FBXL22: variants seen among roughly 807,000 people sequenced by gnomAD.
FBXL22 encodes the protein F-box and leucine rich repeat protein 22, also known as F-box and leucine-rich protein 22.
A neutral mutation model predicts 11.7 loss-of-function variants in FBXL22; 13 were observed. That is an observed-to-expected ratio of 1.11 (90% CI 0.73 to 1.77). The LOEUF (loss-of-function observed/expected upper bound fraction) is 1.77, where lower values mean the gene tolerates loss of function less well. Among genes scored for constraint, FBXL22 ranks in the 40% most tolerant of loss-of-function variants. FBXL22 has a pLI of 0.00. For missense variants in FBXL22, 406 were observed against 320.4 expected, an observed-to-expected ratio of 1.27 and a Z score of -2.04; for synonymous variants, 160 against 144.1, an observed-to-expected ratio of 1.11 and a Z score of -0.79.
At chr15:63,606,886 C>G (rs1429594692), downstream of FBXL22, among the ~76,000 whole-genome samples, 1 of 152,152 alleles carries the variant, frequency 6.6e-6, no homozygotes. Context: ...GAGTCCAGAG[C>G]AAACTGTGGC....
At chr15:63,604,351 A>T (rs1174837968), downstream of FBXL22, among the ~76,000 whole-genome samples, 9 of 152,144 alleles carry the variant, frequency 5.9e-5, no homozygotes, top group Admixed American at 5.2e-4. Flanking sequence ...GCTCTTTTGT[A>T]GTAAGGGTTA....
At chr15:63,599,062 G>A (rs1464164281) in intron 1 of FBXL22, 3 of 808,544 alleles carry the variant, frequency 3.7e-6, no homozygotes, top group Admixed American at 2.1e-5. Flanking sequence ...CGCTCAGCTC[G>A]TCCAACCATG....
Position 63,597,625 on chromosome 15 carries a change from G to A in FBXL22, c.233G>A (p.Trp78Ter). Residue 78 changes from tryptophan to a stop codon, truncating the protein, a stop_gained, in exon 1 of 2, where the codon TGG (tryptophan) becomes TAG (stop). Coordinates refer to ENST00000638704, the MANE Select transcript of FBXL22 (RefSeq NM_001367807.1). LOFTEE classifies it high-confidence loss of function. The surrounding 1 kb of genome is among the most constrained non-coding windows in gnomAD (Gnocchi z 4.3). ...GCACTCCGCAGCCTCTCCATCTGCT[G>A]GCACTCCAGCCGCGTGCAGGTGTGC... is the stretch of plus-strand genomic sequence containing the variant. ...GPALRSLSIC[W>*]HSSRVQVCSI... is the part of the protein sequence containing the mutation. 6.2e-7 allele frequency: 1 copy of A among 1,613,666 alleles called. No homozygotes were observed. Among genetic ancestry groups the A allele is most frequent in the Non-Finnish European group, 8.5e-7 (1 of 1,180,018 alleles).
At chr15:63,599,694 G>A (rs1004603088) in intron 1 of FBXL22, 1 of 987,170 alleles carries the variant, frequency 1.0e-6, no homozygotes, top group Non-Finnish European at 1.2e-6. Flanking sequence ...ACGGAGCTGC[G>A]GGGGAGGCTG....
Position 63,600,838 on chromosome 15 carries a change from T to C in FBXL22, c.495T>C (p.Ala165=), listed in dbSNP as rs1595796454. Residue 165 remains alanine, a synonymous_variant, in exon 2 of 2, where the codon GCT becomes GCC. Transcript: ENST00000638704. ...NCARVTNRTL[A]AVAADGRALQ... is the part of the protein sequence containing the mutation. ...CGCGCGTCACCAACCGCACGTTGGC[T>C]GCCGTGGCGGCGGACGGGCGCGCGC... 2 of 1,230,408 alleles carry C rather than the reference T, an allele frequency of 1.6e-6. No homozygotes were observed. The highest frequency in any genetic ancestry group is 2.0e-6 in the Non-Finnish European group (2 of 987,092). The allele number at this position is 1,230,408 out of a possible 1,614,324, so 76.2% of individuals were successfully genotyped here. A position where few individuals can be genotyped will look rare whatever the true frequency, so the allele number is the denominator to read the frequency against.
rs886455711 is a variant in FBXL22, at chr15:63,597,688, G to A, written c.296G>A (p.Ser99Asn). The A allele has an allele frequency of 5.0e-6, 8 of 1,602,240 alleles. No individual in the cohort carries two copies. Among genetic ancestry groups the A allele is most frequent in the Non-Finnish European group, 6.8e-6 (8 of 1,171,706 alleles). The part of the protein sequence containing the change: ...EDWLKSAFQR[S>N]ICSRHESLVN... ...TGGCTCAAGAGTGCCTTCCAGAGAA[G>A]CATCTGCAGCCGGCACGAGAGCCTG... Residue 99 changes from serine (S) to asparagine (N), a missense_variant, in exon 1 of 2, where the codon AGC becomes AAC. Coordinates refer to ENST00000638704, the MANE Select transcript of FBXL22 (RefSeq NM_001367807.1). This position sits in a 1 kb window ranked among gnomAD's most constrained non-coding sequence, Gnocchi z 4.3.
chr15:63,598,406 T>C (rs2067307576), intron 1 of FBXL22, among the ~76,000 whole-genome samples: 1 of 152,178 alleles, frequency 6.6e-6, no homozygotes, highest in South Asian at 2.1e-4. Flanking sequence ...AATAATATTT[T>C]AGTGTAAGTA....
chr15:63,603,846 AG>A (rs2067400030), downstream of FBXL22, among the ~76,000 whole-genome samples: 1 of 152,002 alleles, frequency 6.6e-6, no homozygotes, highest in Admixed American at 6.6e-5. Context: ...TGTGAGACAC[AG>A]GCTGCTTTTT....
chr15:63,600,902 G>C lies in FBXL22; in HGVS notation c.559G>C (p.Ala187Pro). 3 of 1,222,456 alleles carry C rather than the reference G, an allele frequency of 2.5e-6. No homozygotes were observed. Among genetic ancestry groups the C allele is most frequent in the Non-Finnish European group, 3.1e-6 (3 of 981,860 alleles). The allele number at this position is 1,222,456 out of a possible 1,614,324, so 75.7% of individuals were successfully genotyped here. A position where few individuals can be genotyped will look rare whatever the true frequency, so the allele number is the denominator to read the frequency against. ...LHVDFCRNVS[A>P]AGLRRLRAAC... ...CGTGGACTTCTGCCGCAACGTGAGC[G>C]CGGCCGGCCTGCGCCGCCTGCGCGC... Residue 187 changes from alanine to proline, a missense_variant, in exon 2 of 2, where the codon GCG becomes CCG. Coordinates refer to ENST00000638704, the MANE Select transcript of FBXL22 (RefSeq NM_001367807.1).
intron 1 of FBXL22, chr15:63,600,282 G>C: frequency 1.0e-6 from 1 of 1,001,360 alleles, no homozygotes; most frequent in Non-Finnish European, 1.2e-6. Flanking sequence ...GACATTCAGG[G>C]GCCTCAGCTT....
At chr15:63,599,100 T>C in intron 1 of FBXL22, 1 of 1,156,422 alleles carries the variant, frequency 8.6e-7, no homozygotes. Flanking sequence ...CTTCAAACTC[T>C]TGCAACCTCA....
At chr15:63,599,134 A>T (rs1044091777) in intron 1 of FBXL22, 2 of 1,411,592 alleles carry the variant, frequency 1.4e-6, no homozygotes, top group Non-Finnish European at 9.7e-7. Flanking sequence ...AAAATGTGCT[A>T]AATTTTTCTT....
At chr15:63,601,822 A>T (rs1277491460), downstream of FBXL22, 11 of 1,275,944 alleles carry the variant, frequency 8.6e-6, no homozygotes, top group Non-Finnish European at 1.1e-5. Context: ...CAAACTAAAC[A>T]AAAACAAAAC....
At chr15:63,600,026 C>T in intron 1 of FBXL22, 1 of 985,720 alleles carries the variant, frequency 1.0e-6, no homozygotes, top group Non-Finnish European at 1.2e-6. Context: ...GTCCCCCAAG[C>T]TTTCTGGCCA....
intron 1 of FBXL22, chr15:63,600,070 C>T: frequency 1.5e-5 from 15 of 985,760 alleles, no homozygotes; most frequent in Non-Finnish European, 1.8e-5. Context: ...ACTGTACCTG[C>T]TCAGGGCTTG....
chr15:63,601,404 G>A, downstream of FBXL22: 1 of 1,595,070 alleles, frequency 6.3e-7, no homozygotes, highest in South Asian at 1.1e-5. Flanking sequence ...CTGACCACTC[G>A]GAGTTCGCCG....
Position 63,600,864 on chromosome 15 carries a change from T to A in FBXL22, c.521T>A (p.Leu174Gln), listed in dbSNP as rs1188939934. 1 of 1,228,962 alleles carries A rather than the reference T, an allele frequency of 8.1e-7. No individual in the cohort carries two copies. Among genetic ancestry groups the A allele is most frequent in the Admixed American group, 4.2e-5 (1 of 23,578 alleles). The allele number at this position is 1,228,962 out of a possible 1,614,324, so 76.1% of individuals were successfully genotyped here. ...GCCGTGGCGGCGGACGGGCGCGCGC[T>A]GCAGACATTGCACGTGGACTTCTGC... The part of the protein sequence containing the change: ...LAAVAADGRA[L>Q]QTLHVDFCRN... The change falls in exon 2 of 2, where the codon CTG becomes CAG. Residue 174 changes from leucine to glutamine, a missense_variant. By Grantham distance (113) the Leu-to-Gln change is moderately radical (BLOSUM62 -2). Transcript: ENST00000638704.
At chr15:63,607,977 A>AAT in the FBXL22 span, among the ~76,000 whole-genome samples, 1 of 152,218 alleles carries the variant, frequency 6.6e-6, no homozygotes, top group African/African-American at 2.4e-5. Context: ...GAGCACCAAG[A>AAT]ATGTAACCCC....
downstream of FBXL22, chr15:63,601,671 T>G (rs780928427): frequency 3.1e-6 from 5 of 1,608,198 alleles, no homozygotes; most frequent in South Asian, 3.3e-5. Context: ...CTGGGGCGGA[T>G]GCGTTCCCGC....
Sources: allele counts gnomAD v4.1 joint callset (sites outside exome capture counted in the v4.1 genomes callset), GRCh38; gene constraint gnomAD v4.1.1; non-coding constraint Gnocchi (gnomAD v3.1); transcripts MANE v1.5; gene names NCBI Gene and HGNC (gene_info 2026-07-23, HGNC 2026-07-21).